KCNC3: variants seen among roughly 807,000 people sequenced by gnomAD.
KCNC3 encodes potassium voltage-gated channel subfamily C member 3.
Under a neutral mutation model 43.9 loss-of-function variants are expected in KCNC3, and 22 were observed. The ratio of observed to expected loss-of-function variants is 0.50; its 90% confidence interval spans 0.36 to 0.72. The LOEUF (loss-of-function observed/expected upper bound fraction) is 0.72, where lower values mean the gene tolerates loss of function less well. KCNC3 is among the 30% of genes least tolerant of loss of function. The pLI is 0.00. For missense variants in KCNC3, 829 were observed against 1,073.8 expected (o/e 0.77, Z 3.19); for synonymous variants, 492 against 488.0 (o/e 1.01, Z -0.11).
At chr19:50,333,226 G>A (rs962207987), upstream of KCNC3, among the ~76,000 whole-genome samples, 2 of 152,116 alleles carry the variant, frequency 1.3e-5, no homozygotes, top group African/African-American at 4.8e-5. Context: ...GGAATCCGGG[G>A]CTCGAGATGG....
In KCNC3 at chr19:50,312,697, G is replaced by C. The variant is rs1315297469; in HGVS notation, c.*3418C>G. 6.6e-6 allele frequency: 1 copy of C among 152,238 alleles called. No homozygotes were observed. Among genetic ancestry groups the C allele is most frequent in the African/African-American group, 2.4e-5 (1 of 41,446 alleles). The allele number at this position is 152,238 out of a possible 1,614,324, so 9.4% of individuals were successfully genotyped here. A position where few individuals can be genotyped will look rare whatever the true frequency, so the allele number is the denominator to read the frequency against. On this transcript the variant is annotated 3_prime_UTR_variant, in exon 5 of 5. Transcript: ENST00000477616. ...GGCGGACTGGCGAGCAGGGGGAGAC[G>C]TTGGGAAGAGGTCAGTACCCTTTGG...
rs531037343 is a variant in KCNC3 at position 50,326,238 on chromosome 19, A to G, written c.870+1975T>C. Among the ~76,000 whole-genome samples the G allele has an allele frequency of 3.5e-3, 537 of 152,308 alleles. 1 individual carries two copies. The highest frequency in any genetic ancestry group is 0.012 in the African/African-American group (508 of 41,558). On this transcript the variant is annotated intron_variant, in intron 1 of 4. Transcript: ENST00000477616. ...TCTCCCGTAGCTGTCCCGAACACCT[A>G]GCCTGACCATCACAGAAGAACTCTA... is the stretch of plus-strand genomic sequence containing the variant.
Position 50,328,828 on chromosome 19 carries a change from G to A in KCNC3, c.255C>T (p.Gly85=), listed in dbSNP as rs1319314099. Residue 85 remains glycine (G), a synonymous_variant, in exon 1 of 5, where the codon GGC becomes GGT. Coordinates refer to ENST00000477616, the MANE Select transcript of KCNC3 (RefSeq NM_004977.3). ...CGTTGATCACGATCTTGCCGCTGTC[G>A]CCACCGCCGCCGCCGTGCCGCCCCA... ...AAMGRHGGGG[G]DSGKIVINVG... 3 of 1,494,332 alleles carry A rather than the reference G, an allele frequency of 2.0e-6. No individual in the cohort carries two copies. Among genetic ancestry groups the A allele is most frequent in the East Asian group, 2.8e-5 (1 of 36,358 alleles). The allele number at this position is 1,494,332 out of a possible 1,614,324, so 92.6% of individuals were successfully genotyped here.
At chr19:50,327,372 C>G (rs2037119463) in intron 1 of KCNC3, among the ~76,000 whole-genome samples, 1 of 151,984 alleles carries the variant, frequency 6.6e-6, no homozygotes, top group Non-Finnish European at 1.5e-5. Context: ...GAGTGTTAAA[C>G]ACAGAGTGAA....
In KCNC3 at chr19:50,323,471, G is replaced by A. The variant is rs762941392; in HGVS notation, c.1482C>T (p.Phe494=). The change falls in exon 2 of 5, where the codon TTC becomes TTT. Residue 494 remains phenylalanine (F), a synonymous_variant. Transcript: ENST00000477616. ...TCGTCATGGTGACCACAGCCCACCA[G>A]AAGCCAATGGGGATGTTCTTGAAGT... ...HTYFKNIPIG[F]WWAVVTMTTL... is the part of the protein sequence containing the mutation. 1.2e-6 allele frequency: 2 copies of A among 1,614,222 alleles called. No homozygotes were observed. The highest frequency in any genetic ancestry group is 1.7e-6 in the Non-Finnish European group (2 of 1,180,036).
upstream of KCNC3, among the ~76,000 whole-genome samples, chr19:50,332,841 C>A (rs1315055395): frequency 6.6e-6 from 1 of 152,122 alleles, no homozygotes; most frequent in Non-Finnish European, 1.5e-5. This position sits in a 1 kb window ranked among gnomAD's most constrained non-coding sequence, Gnocchi z 5.8. Flanking sequence ...TCGGCGTCCC[C>A]TGATAACCCT....
Position 50,314,910 on chromosome 19 carries a change from G to T in KCNC3, c.*1205C>A, listed in dbSNP as rs368827687. The T allele has an allele frequency of 1.4e-3, 431 of 310,674 alleles. No individual in the cohort carries two copies. The highest frequency in any genetic ancestry group is 9.0e-3 in the African/African-American group (387 of 42,976). The allele number at this position is 310,674 out of a possible 1,614,324, so 19.2% of individuals were successfully genotyped here. On this transcript the variant is annotated 3_prime_UTR_variant, in exon 5 of 5. Transcript: ENST00000477616. The stretch of plus-strand genomic sequence containing the variant: ...CGGCGGGCGGCCCGGGGAGAGCCAG[G>T]GGGGGTGGCAAGGGGCGCGAGGCGC...
rs200357025 is a variant in KCNC3, at chr19:50,328,660, C to T, written c.423G>A (p.Pro141=). The change falls in exon 1 of 5, where the codon CCG becomes CCA. Residue 141 remains proline (P), a synonymous_variant. Coordinates refer to ENST00000477616, the MANE Select transcript of KCNC3 (RefSeq NM_004977.3). ...AGTTGAGCACGTACGCGAAGACTCC[C>T]GGGTGCCGGTCAAAGAAGAACTCGT... ...GADEFFFDRH[P]GVFAYVLNYY... The T allele has an allele frequency of 8.1e-6, 13 of 1,611,200 alleles. No individual in the cohort carries two copies. In the Admixed American group the frequency reaches 1.3e-4, roughly 17 times the overall value.
rs1012696192 is a variant in KCNC3, at chr19:50,328,186, G to A, written c.870+27C>T. ...GCGCCTGGAGAGGCGGGGGTGGGGTGGATGGGGGCCCCGAGAGCGCGCTCA... is the reference window on the plus strand; with the variant it reads ...GCGCCTGGAGAGGCGGGGGTGGGGTAGATGGGGGCCCCGAGAGCGCGCTCA... On this transcript the variant is annotated intron_variant, in intron 1 of 4. Transcript: ENST00000477616. The A allele has an allele frequency of 9.4e-6, 11 of 1,168,472 alleles. No individual in the cohort carries two copies. The South Asian group carries it at 4.3e-4, about 46-fold the overall frequency. The allele number at this position is 1,168,472 out of a possible 1,614,324, so 72.4% of individuals were successfully genotyped here.
Position 50,312,479 on chromosome 19 carries a change from A to G in KCNC3, c.*3636T>C. 1 of 152,286 alleles carries G rather than the reference A, an allele frequency of 6.6e-6. No homozygotes were observed. The highest frequency in any genetic ancestry group is 1.5e-5 in the Non-Finnish European group (1 of 68,072). The allele number at this position is 152,286 out of a possible 1,614,324, so 9.4% of individuals were successfully genotyped here. On this transcript the variant is annotated 3_prime_UTR_variant, in exon 5 of 5. Coordinates refer to ENST00000477616, the MANE Select transcript of KCNC3 (RefSeq NM_004977.3). ...TCATGCAGCGCATGCGTGTAGGTGC[A>G]GGCACCCTGGCGGCCGGGGGGAAAA...
In KCNC3 at chr19:50,328,938, C is replaced by A. The variant is rs948736776; in HGVS notation, c.145G>T (p.Ala49Ser). 4.9e-6 allele frequency: 4 copies of A among 820,580 alleles called. No homozygotes were observed. The highest frequency in any genetic ancestry group is 5.9e-6 in the Non-Finnish European group (4 of 679,952). The allele number at this position is 820,580 out of a possible 1,614,324, so 50.8% of individuals were successfully genotyped here. A position where few individuals can be genotyped will look rare whatever the true frequency, so the allele number is the denominator to read the frequency against. Residue 49 changes from alanine (A) to serine (S), a missense_variant, in exon 1 of 5, where the codon GCC (alanine) becomes TCC (serine). Around this residue, in one of 7 missense-constraint regions of KCNC3, gnomAD observed 129 missense variants for 83.6 expected, o/e 1.54. Transcript: ENST00000477616. ...GCCGGGGGGCCCGCCGGGGACGCGG[C>A]GGGGCCGGGCTGCGCAGGCTGCTGC... The part of the protein sequence containing the change: ...QQQQPAQPGP[A>S]ASPAGPPAPR...
chr19:50,318,115 C>A (rs1277532571), intron 4 of KCNC3, among the ~76,000 whole-genome samples: 1 of 151,974 alleles, frequency 6.6e-6, no homozygotes, highest in African/African-American at 2.4e-5. Flanking sequence ...CTGAAGTGGC[C>A]AGAGTAATAG....
At chr19:50,322,932 C>G in intron 2 of KCNC3, 43 bp downstream of exon 2, 1 of 1,542,000 alleles carries the variant, frequency 6.5e-7, no homozygotes, top group South Asian at 1.2e-5. Context: ...CAGTCCTCCC[C>G]GGGTCTCCAC....
chr19:50,314,972 C>G lies in KCNC3; in HGVS notation c.*1143G>C. 3.6e-6 allele frequency: 1 copy of G among 278,794 alleles called. No homozygotes were observed. The highest frequency in any genetic ancestry group is 7.0e-6 in the Non-Finnish European group (1 of 141,982). The allele number at this position is 278,794 out of a possible 1,614,324, so 17.3% of individuals were successfully genotyped here. On this transcript the variant is annotated 3_prime_UTR_variant, in exon 5 of 5. Coordinates refer to ENST00000477616, the MANE Select transcript of KCNC3 (RefSeq NM_004977.3). The stretch of plus-strand genomic sequence containing the variant: ...GCTCAGGCCCGCGATGCTGCTGAGG[C>G]TGCGGGATTTCTCGTAACCTGGGGG...
At chr19:50,317,236 G>C (rs552172203) in intron 4 of KCNC3, among the ~76,000 whole-genome samples, 1 of 151,086 alleles carries the variant, frequency 6.6e-6, no homozygotes, top group Non-Finnish European at 1.5e-5. Flanking sequence ...AGGTGGGGGG[G>C]ATGGAACAAG....
rs111909830 is a variant in KCNC3, at chr19:50,329,088, G to T, written c.-6C>A. ...ACGCAGACTGAGCTCAGCATTGGAC[G>T]GGGGGCGGGGCGGGAGGGGCGGGGA... On this transcript the variant is annotated 5_prime_UTR_variant, in exon 1 of 5. Coordinates refer to ENST00000477616, the MANE Select transcript of KCNC3 (RefSeq NM_004977.3). The T allele has an allele frequency of 4.9e-5, 49 of 1,004,662 alleles. No individual in the cohort carries two copies. The East Asian group carries it at 5.3e-4, about 11-fold the overall frequency. 62.2% of individuals were successfully genotyped at this position (1,004,662 alleles called of 1,614,324 possible).
rs1264556140 is a variant in KCNC3 at position 50,315,729 on chromosome 19, G to A, written c.*386C>T. 6.6e-6 allele frequency: 1 copy of A among 152,410 alleles called. No homozygotes were observed. Among genetic ancestry groups the A allele is most frequent in the Non-Finnish European group, 1.5e-5 (1 of 68,730 alleles). The allele number at this position is 152,410 out of a possible 1,614,324, so 9.4% of individuals were successfully genotyped here. A position where few individuals can be genotyped will look rare whatever the true frequency, so the allele number is the denominator to read the frequency against. ...TGGGGGGCGGTGAGGCGGAGGGCTG[G>A]GGAGAGGGACATCTTTAAAGGGTCC... On this transcript the variant is annotated 3_prime_UTR_variant, in exon 5 of 5. Coordinates refer to ENST00000477616, the MANE Select transcript of KCNC3 (RefSeq NM_004977.3).
chr19:50,323,218 G>GGTC lies in KCNC3; in HGVS notation c.1732_1734dup (p.Asp578dup), dbSNP rs2037058324. 6.5e-7 allele frequency: 1 copy of GGTC among 1,545,532 alleles called. No homozygotes were observed. Among genetic ancestry groups the GGTC allele is most frequent in the Admixed American group, 1.9e-5 (1 of 52,570 alleles). ...GGGTGGGGCGGGGGTGGCGGGGGTG[G>GGTC]GTCAGGCTTGCAGTAGTTGGGCGAG... On this transcript the variant is annotated inframe_insertion, in exon 2 of 5. Transcript: ENST00000477616.
In KCNC3 at chr19:50,323,140, T is replaced by C; in HGVS notation, c.1813A>G (p.Met605Val). 6.5e-7 allele frequency: 1 copy of C among 1,530,058 alleles called. No homozygotes were observed. Among genetic ancestry groups the C allele is most frequent in the African/African-American group, 1.4e-5 (1 of 72,594 alleles). The allele number at this position is 1,530,058 out of a possible 1,614,324, so 94.8% of individuals were successfully genotyped here. A position where few individuals can be genotyped will look rare whatever the true frequency, so the allele number is the denominator to read the frequency against. The stretch of plus-strand genomic sequence containing the variant: ...TAGGCCCCGGCCACAGTCACCCCCA[T>C]GGAGGGTGGGGTGATGGGTGGCGGC... ...SPPPPITPPS[M>V]GVTVAGAYPA... The change falls in exon 2 of 5, where the codon ATG (methionine) becomes GTG (valine). Residue 605 changes from methionine to valine, a missense_variant. Met to Val is a conservative substitution (Grantham distance 21). Around this residue, in one of 7 missense-constraint regions of KCNC3, gnomAD observed 308 missense variants for 276.2 expected, o/e 1.11. Coordinates refer to ENST00000477616, the MANE Select transcript of KCNC3 (RefSeq NM_004977.3).
Sources: gnomAD v4.1 joint callset for allele counts (sites outside exome capture counted in the v4.1 genomes callset) on GRCh38, gnomAD v4.1.1 for gene constraint, gnomAD v4.1.1 regional missense constraint, Gnocchi (gnomAD v3.1) non-coding constraint, MANE v1.5 for transcripts, NCBI Gene and HGNC (gene_info 2026-07-23, HGNC 2026-07-21) for gene names.